IL4I1: variants seen among roughly 807,000 people sequenced by gnomAD.
IL4I1 encodes the protein interleukin 4 induced 1.
A neutral mutation model predicts 29.7 loss-of-function variants in IL4I1; 24 were observed. The ratio of observed to expected loss-of-function variants is 0.81; its 90% CI spans 0.59 to 1.14. IL4I1 has a LOEUF of 1.14. IL4I1 is among the 50% of genes most tolerant of loss of function. The probability of loss-of-function intolerance (pLI) is 0.00; values close to 1 mark genes in which losing one functional copy is unlikely to be tolerated. For missense variants in IL4I1, 686 were observed against 785.6 expected, an observed-to-expected ratio of 0.87 and a Z score of 1.52; for synonymous variants, 371 against 352.5, an observed-to-expected ratio of 1.05 and a Z score of -0.59.
At chr19:49,922,637 C>T (rs1278695716) in intron 2 of IL4I1, among the ~76,000 whole-genome samples, 1 of 151,996 alleles carries the variant, frequency 6.6e-6, no homozygotes, top group Non-Finnish European at 1.5e-5. Flanking sequence ...TGAGTCCTGT[C>T]CACACTGGTG....
chr19:49,925,449 C>CAAA (rs56199048), intron 2 of IL4I1, among the ~76,000 whole-genome samples: 1 of 132,854 alleles, frequency 7.5e-6, no homozygotes, highest in South Asian at 2.3e-4. Flanking sequence ...TAAAAAAAGC[C>CAAA]AAAAAAAAAA....
rs745344747 is a variant in IL4I1 at position 49,891,476 on chromosome 19, G to C, written c.568-3C>G. On this transcript the variant is annotated splice_polypyrimidine_tract_variant and splice_region_variant and intron_variant, in intron 5 of 7. Coordinates refer to ENST00000391826, the MANE Select transcript of IL4I1 (RefSeq NM_152899.2). Reference sequence around the variant, plus strand: ...AGTGCCTTGAGGTCTTTGAGGGCCTGTTGTGGAAGAAGCAGACATGGTGCT... The same window carrying C: ...AGTGCCTTGAGGTCTTTGAGGGCCTCTTGTGGAAGAAGCAGACATGGTGCT... 1 of 1,614,022 alleles carries C rather than the reference G, an allele frequency of 6.2e-7. No homozygotes were observed. Among genetic ancestry groups the C allele is most frequent in the Admixed American group, 1.7e-5 (1 of 60,030 alleles).
chr19:49,909,620 G>C, intron 2 of IL4I1: 1 of 1,614,214 alleles, frequency 6.2e-7, no homozygotes, highest in Non-Finnish European at 8.5e-7. Context: ...AGTCTGGGTG[G>C]CAAGTGAGAA....
chr19:49,915,344 G>A (rs568053753), intron 2 of IL4I1, among the ~76,000 whole-genome samples: 16 of 152,284 alleles, frequency 1.1e-4, no homozygotes, highest in African/African-American at 3.6e-4. Flanking sequence ...AGAGGGAGAT[G>A]TGCCTATGGA....
intron 2 of IL4I1, among the ~76,000 whole-genome samples, chr19:49,925,451 A>G (rs1449987251): frequency 3.2e-5 from 1 of 31,732 alleles, no homozygotes; most frequent in Non-Finnish European, 5.9e-5. Context: ...AAAAAAGCCA[A>G]AAAAAAAAAA....
In IL4I1 at chr19:49,895,664, G is replaced by A. The variant is rs552529711; in HGVS notation, c.252+151C>T. ...AGACATGTGACAGCAGGGGGCTTGGGCCTCACCCCCAGACTACAGGGAAAG... is the reference window on the plus strand; with the variant it reads ...AGACATGTGACAGCAGGGGGCTTGGACCTCACCCCCAGACTACAGGGAAAG... On this transcript the variant is annotated intron_variant, in intron 3 of 7. Coordinates refer to ENST00000391826, the MANE Select transcript of IL4I1 (RefSeq NM_152899.2). 33 of 780,070 alleles carry A rather than the reference G, an allele frequency of 4.2e-5. No homozygotes were observed. The Admixed American group carries it at 7.2e-4, about 17-fold the overall frequency. 48.3% of individuals were successfully genotyped at this position (780,070 alleles called of 1,614,324 possible).
chr19:49,905,622 G>GT (rs2075312006), intron 2 of IL4I1, among the ~76,000 whole-genome samples: 2 of 152,130 alleles, frequency 1.3e-5, no homozygotes, highest in African/African-American at 4.8e-5. Context: ...TTGAGACGAA[G>GT]TTTCGCTTTT....
chr19:49,907,776 T>G, intron 2 of IL4I1: 1 of 332,286 alleles, frequency 3.0e-6, no homozygotes, highest in African/African-American at 2.2e-5. Flanking sequence ...CCTCAAGTCA[T>G]CTGCCCGCCT....
intron 2 of IL4I1, among the ~76,000 whole-genome samples, chr19:49,919,691 A>G (rs944408223): frequency 6.6e-6 from 1 of 152,196 alleles, no homozygotes; most frequent in African/African-American, 2.4e-5. Flanking sequence ...TCGCAGGACC[A>G]ACAGCAATTT....
chr19:49,922,984 T>C (rs948100843), intron 2 of IL4I1, among the ~76,000 whole-genome samples: 1 of 152,068 alleles, frequency 6.6e-6, no homozygotes, highest in Non-Finnish European at 1.5e-5. Flanking sequence ...GGTCGGGGGG[T>C]ACAGTATCTT....
intron 2 of IL4I1, among the ~76,000 whole-genome samples, chr19:49,923,616 C>T (rs1414495446): frequency 6.6e-6 from 1 of 152,266 alleles, no homozygotes; most frequent in Non-Finnish European, 1.5e-5. Context: ...CACACCAGGC[C>T]CCAGAGCAGG....
At chr19:49,900,325 G>A (rs758158490), upstream of IL4I1, among the ~76,000 whole-genome samples, 2 of 152,138 alleles carry the variant, frequency 1.3e-5, no homozygotes, top group African/African-American at 4.8e-5. Flanking sequence ...ATGCTCTGTC[G>A]CCCAGGCTGG....
Position 49,891,078 on chromosome 19 carries a change from G to A in IL4I1, c.666C>T (p.Ser222=), listed in dbSNP as rs898030924. Residue 222 remains serine (S), a synonymous_variant, in exon 7 of 8, where the codon AGC becomes AGT. Transcript: ENST00000391826. ...CTCCCAGAAGCTGCACGGCCGGCCG[G>A]CTCAGGTTCCCCTCCCCGAGAAGAT... ...LEYLLGEGNL[S]RPAVQLLGDV... The A allele has an allele frequency of 1.9e-6, 3 of 1,613,406 alleles. No homozygotes were observed. The highest frequency in any genetic ancestry group is 3.3e-5 in the Admixed American group (2 of 59,910).
chr19:49,917,587 G>T (rs1201598381), intron 2 of IL4I1: 3 of 152,250 alleles, frequency 2.0e-5, no homozygotes, highest in Admixed American at 2.0e-4. Context: ...CAGGGTCTGG[G>T]TTATGTTGGG....
Position 49,895,755 on chromosome 19 carries a change from C to T in IL4I1, c.252+60G>A, listed in dbSNP as rs2075199320. 3 of 1,484,874 alleles carry T rather than the reference C, an allele frequency of 2.0e-6. No homozygotes were observed. In the South Asian group the frequency reaches 3.4e-5, roughly 17 times the overall value. The allele number at this position is 1,484,874 out of a possible 1,614,324, so 92.0% of individuals were successfully genotyped here. ...GAGGAACGCGGCCGTGTCCCTGTGC[C>T]CAGGGACTCCAGCCTGCAGCAGGAG... On this transcript the variant is annotated intron_variant, in intron 3 of 7. Coordinates refer to ENST00000391826, the MANE Select transcript of IL4I1 (RefSeq NM_152899.2).
At chr19:49,908,224 C>G (rs761632740) in intron 2 of IL4I1, 19 of 1,611,760 alleles carry the variant, frequency 1.2e-5, no homozygotes, top group Admixed American at 1.7e-5. Flanking sequence ...CTGCGGGCCC[C>G]AGGGCTGCTG....
At chr19:49,927,018 C>G (rs576438217) in intron 2 of IL4I1, among the ~76,000 whole-genome samples, 1 of 151,962 alleles carries the variant, frequency 6.6e-6, no homozygotes, top group African/African-American at 2.4e-5. Context: ...AACCACCACA[C>G]CCGACTATTT....
chr19:49,907,286 G>A, intron 2 of IL4I1: 1 of 297,824 alleles, frequency 3.4e-6, no homozygotes, highest in Non-Finnish European at 6.5e-6. Flanking sequence ...AGCTGGGAAG[G>A]CTTCCTGGAG....
At chr19:49,916,769 C>CA (rs918684279) in intron 2 of IL4I1, among the ~76,000 whole-genome samples, 5 of 151,768 alleles carry the variant, frequency 3.3e-5, no homozygotes, top group African/African-American at 1.2e-4. Flanking sequence ...GTCTCAAAAA[C>CA]AAAAAAACAA....
Sources: allele counts gnomAD v4.1 joint callset (sites outside exome capture counted in the v4.1 genomes callset), GRCh38; gene constraint gnomAD v4.1.1; transcripts MANE v1.5; gene names NCBI Gene and HGNC (gene_info 2026-07-23, HGNC 2026-07-21).